The following TRPM2 variants were observed in gnomAD, a reference collection of about 807,000 sequenced individuals.
TRPM2 encodes the protein estrogen-responsive element-associated gene 1 protein.
In TRPM2, 161 loss-of-function variants were observed where a neutral mutation model predicts 174.0. That is an observed-to-expected ratio of 0.93 (90% confidence interval 0.81 to 1.05). The LOEUF is 1.05. Ranked by LOEUF, TRPM2 falls within the 50% of genes least tolerant of loss-of-function variation. The pLI, the probability that TRPM2 is intolerant of heterozygous loss-of-function variation, is 0.00. For synonymous variants in TRPM2, 954 were observed against 861.3 expected (o/e 1.11, Z -1.88); for missense variants, 2,057 against 2,038.0 (o/e 1.01, Z -0.18).
chr21:44,440,214 G>A (rs898601381), intron 30 of TRPM2, among the ~76,000 whole-genome samples: 1 of 133,968 alleles, frequency 7.5e-6, no homozygotes, highest in Non-Finnish European at 1.5e-5. Flanking sequence ...GCGCACACCT[G>A]TAATCTCAGC....
intron 15 of TRPM2, among the ~76,000 whole-genome samples, chr21:44,400,726 G>A (rs1024671989): frequency 6.3e-5 from 9 of 143,128 alleles, no homozygotes; most frequent in Admixed American, 2.2e-4. Flanking sequence ...TCTGGGATGC[G>A]AGCAGCGAGC....
rs565349919 is a variant in TRPM2, at chr21:44,369,435, G to A, written c.771+92G>A. ...GTGGGGAGCAGGTGGAGTGTACGGG[G>A]GCCGGGGTGTGGGTGACGTCTGACC... On this transcript the variant is annotated intron_variant, in intron 5 of 31. Transcript: ENST00000397928. 678 of 1,447,500 alleles carry A rather than the reference G, an allele frequency of 4.7e-4. 6 individuals carry two copies. In the African/African-American group the frequency reaches 9.5e-3, roughly 20 times the overall value. The allele number at this position is 1,447,500 out of a possible 1,614,324, so 89.7% of individuals were successfully genotyped here. A position where few individuals can be genotyped will look rare whatever the true frequency, so the allele number is the denominator to read the frequency against.
intron 9 of TRPM2, among the ~76,000 whole-genome samples, chr21:44,383,392 C>T (rs1456842529): frequency 2.0e-5 from 3 of 152,336 alleles, no homozygotes; most frequent in Admixed American, 6.5e-5. Flanking sequence ...GTGCTCCTCC[C>T]GCCCGATGCT....
chr21:44,420,898 G>C (rs532695105), intron 22 of TRPM2, among the ~76,000 whole-genome samples: 37 of 152,300 alleles, frequency 2.4e-4, no homozygotes, highest in African/African-American at 8.7e-4. Flanking sequence ...TTACCCATGA[G>C]GAAGTGGAGG....
At chr21:44,389,874 T>A (rs776138783) in intron 9 of TRPM2, among the ~76,000 whole-genome samples, 4 of 47,036 alleles carry the variant, frequency 8.5e-5, no homozygotes, top group East Asian at 7.9e-4. Flanking sequence ...AGGCTTAAAA[T>A]TTTTTTTTTT....
rs942606071 is a variant in TRPM2, at chr21:44,441,627, C to T, written c.4387-65C>T. The T allele has an allele frequency of 1.0e-5, 16 of 1,544,818 alleles. 1 individual carries two copies. Among genetic ancestry groups the T allele is most frequent in the African/African-American group, 2.7e-5 (2 of 73,684 alleles). ...CCCCAAGCCCTCGAAGGCTGCAGTC[C>T]GTAGGGCTCAGCTGGGCAGAGGCAG... On this transcript the variant is annotated intron_variant, in intron 31 of 31. Coordinates refer to ENST00000397928, the MANE Select transcript of TRPM2 (RefSeq NM_003307.4).
intron 26 of TRPM2, 100 bp downstream of exon 26, chr21:44,426,836 C>A (rs946431376): frequency 8.7e-6 from 13 of 1,499,680 alleles, no homozygotes; most frequent in East Asian, 2.3e-5. Context: ...CCGGGGAGGT[C>A]CAGGTGAGCA....
intron 9 of TRPM2, among the ~76,000 whole-genome samples, chr21:44,387,637 C>A (rs1012196125): frequency 1.3e-5 from 2 of 151,870 alleles, no homozygotes; most frequent in African/African-American, 4.8e-5. Context: ...AAAATATTTG[C>A]AAATCATACA....
At position 44,391,103 on chromosome 21, in the gene TRPM2, G is replaced by T; in HGVS notation, c.1440+78G>T. ...CACCACTGAAGCAAGGGCAGGCAAA[G>T]TTCGCATTGTCTGGATCCCAGCCCT... On this transcript the variant is annotated intron_variant, in intron 10 of 31. Coordinates refer to ENST00000397928, the MANE Select transcript of TRPM2 (RefSeq NM_003307.4). The surrounding 1 kb of genome is among the most constrained non-coding windows in gnomAD (Gnocchi z 5.0). 3.1e-6 allele frequency: 5 copies of T among 1,599,582 alleles called. No individual in the cohort carries two copies. Among genetic ancestry groups the T allele is most frequent in the Non-Finnish European group, 4.3e-6 (5 of 1,170,542 alleles).
chr21:44,400,518 T>C, intron 15 of TRPM2, 147 bp downstream of exon 15: 1 of 736,722 alleles, frequency 1.4e-6, no homozygotes, highest in South Asian at 1.8e-5. Context: ...GCTGTAGAGA[T>C]GGGGGTGGGA....
rs2049833930 is a variant in TRPM2, at chr21:44,405,395, A to G, written c.2657+135A>G. 1.5e-5 allele frequency: 21 copies of G among 1,363,578 alleles called. 1 individual carries two copies. Among genetic ancestry groups the G allele is most frequent in the Middle Eastern group, 5.1e-4 (2 of 3,938 alleles). 84.5% of individuals were successfully genotyped at this position (1,363,578 alleles called of 1,614,324 possible). A position where few individuals can be genotyped will look rare whatever the true frequency, so the allele number is the denominator to read the frequency against. ...GTGAACCCTGGATTGTCATCTGTCC[A>G]ATGGGTGTCCAGGCAACAGCGCCCC... On this transcript the variant is annotated intron_variant, in intron 17 of 31. Coordinates refer to ENST00000397928, the MANE Select transcript of TRPM2 (RefSeq NM_003307.4).
chr21:44,383,712 G>A (rs1036694041), intron 9 of TRPM2, among the ~76,000 whole-genome samples: 1 of 149,796 alleles, frequency 6.7e-6, no homozygotes, highest in Admixed American at 6.7e-5. Context: ...AATAATGGAT[G>A]TAAAAGTGGA....
At chr21:44,417,173 G>C (rs1206319522) in intron 20 of TRPM2, among the ~76,000 whole-genome samples, 28 of 128,828 alleles carry the variant, frequency 2.2e-4, no homozygotes, top group East Asian at 2.4e-4. Context: ...TCTGCTATCT[G>C]TGGCATCACA....
chr21:44,433,658 G>T (rs914625317), intron 27 of TRPM2, among the ~76,000 whole-genome samples: 10 of 152,190 alleles, frequency 6.6e-5, no homozygotes, highest in African/African-American at 2.4e-4. Context: ...CTCTGTAGCT[G>T]GGTGGGGCCG....
At chr21:44,429,608 C>T (rs1364583860) in intron 27 of TRPM2, among the ~76,000 whole-genome samples, 1 of 151,890 alleles carries the variant, frequency 6.6e-6, no homozygotes, top group African/African-American at 2.4e-5. Flanking sequence ...TTTATATTTT[C>T]AATTTTTAAA....
At chr21:44,382,116 AATAG>A (rs146338399) in intron 8 of TRPM2, among the ~76,000 whole-genome samples, 1,706 of 152,200 alleles carry the variant, frequency 0.011, 27 homozygotes, top group African/African-American at 0.038. Context: ...ATAGCTAGAC[AATAG>A]ATAGATACAT....
At chr21:44,377,051 T>C (rs1020986116) in intron 6 of TRPM2, among the ~76,000 whole-genome samples, 2 of 151,436 alleles carry the variant, frequency 1.3e-5, no homozygotes, top group Non-Finnish European at 2.9e-5. Context: ...GCACGTTCCC[T>C]GGTGAGGGCG....
chr21:44,360,332 C>T (rs926809092), intron 2 of TRPM2, among the ~76,000 whole-genome samples: 1 of 152,120 alleles, frequency 6.6e-6, no homozygotes, highest in African/African-American at 2.4e-5. Context: ...CGTCCCCAGG[C>T]GAGGGGAGGA....
chr21:44,418,578 G>C (rs780820167), intron 22 of TRPM2, 23 bp downstream of exon 22: 2 of 1,613,106 alleles, frequency 1.2e-6, no homozygotes, highest in South Asian at 1.1e-5. Context: ...CGGTGGGCCT[G>C]GGGGCGGGAA....
Sources: gnomAD v4.1 joint callset for allele counts (sites outside exome capture counted in the v4.1 genomes callset) on GRCh38, gnomAD v4.1.1 for gene constraint, Gnocchi (gnomAD v3.1) non-coding constraint, MANE v1.5 for transcripts, NCBI Gene and HGNC (gene_info 2026-07-23, HGNC 2026-07-21) for gene names.